The following FRMPD4 variants were observed in gnomAD, a reference collection of about 807,000 sequenced individuals.
FRMPD4 encodes FERM and PDZ domain-containing protein 4.
In FRMPD4, 22 loss-of-function variants were observed where a neutral mutation model predicts 94.1. The ratio of observed to expected loss-of-function variants is 0.23; its 90% confidence interval spans 0.17 to 0.33. The LOEUF (loss-of-function observed/expected upper bound fraction) is 0.33. FRMPD4 is among the 10% of genes least tolerant of loss of function. The pLI, the probability that FRMPD4 is intolerant of heterozygous loss-of-function variation, is 1.00. For missense variants in FRMPD4, 1,111 were observed against 1,339.9 expected, an observed-to-expected ratio of 0.83 and a Z score of 2.67; for synonymous variants, 631 against 548.6, an observed-to-expected ratio of 1.15 and a Z score of -2.10.
chrX:11,828,638 T>C (rs1051071910), intron 1 of FRMPD4, among the ~76,000 whole-genome samples: 5 of 112,086 alleles, frequency 4.5e-5, no homozygotes, highest in African/African-American at 1.6e-4. Flanking sequence ...GCTGCTGAAC[T>C]GAGAGAGGTG....
chrX:11,984,099 C>G (rs2054413020), intron 3 of FRMPD4, among the ~76,000 whole-genome samples: 1 of 112,050 alleles, frequency 8.9e-6, no homozygotes, highest in Non-Finnish European at 1.9e-5. Flanking sequence ...CAAAACTCTC[C>G]CAAAATTGCC....
At chrX:12,235,096 G>A (rs978024444) in intron 1 of FRMPD4, among the ~76,000 whole-genome samples, 1 of 111,811 alleles carries the variant, frequency 8.9e-6, no homozygotes, top group Non-Finnish European at 1.9e-5. Flanking sequence ...TAATGTGTTC[G>A]TATTGCCATC....
chrX:12,561,109 C>A (rs970832204), intron 2 of FRMPD4, among the ~76,000 whole-genome samples: 1 of 111,375 alleles, frequency 9.0e-6, no homozygotes, highest in African/African-American at 3.3e-5. Flanking sequence ...ATTTCTAGGT[C>A]CAGTGGAAAT....
intron 3 of FRMPD4, among the ~76,000 whole-genome samples, chrX:11,927,843 G>A (rs993232590): frequency 8.9e-6 from 1 of 111,820 alleles, no homozygotes; most frequent in Non-Finnish European, 1.9e-5. Flanking sequence ...CACAGGTACA[G>A]GTAAAGATTT....
At chrX:12,161,562 G>C (rs1263475839) in intron 1 of FRMPD4, among the ~76,000 whole-genome samples, 2 of 111,713 alleles carry the variant, frequency 1.8e-5, no homozygotes, top group Non-Finnish European at 3.8e-5. Context: ...TTTTATAGAG[G>C]TAGAGGACAC....
chrX:12,035,863 A>G (rs6654949), intron 3 of FRMPD4, among the ~76,000 whole-genome samples: 13,975 of 111,493 alleles, frequency 0.13, 988 homozygotes, highest in African/African-American at 0.25. Context: ...TGATAGGCAC[A>G]TATGATAGCT....
intron 1 of FRMPD4, among the ~76,000 whole-genome samples, chrX:12,308,910 C>T (rs1020338511): frequency 8.0e-5 from 9 of 112,900 alleles, no homozygotes; most frequent in Non-Finnish European, 1.7e-4. Flanking sequence ...CGCCAAATGT[C>T]GAAAGGGCTT....
At chrX:11,870,828 G>A (rs192942052) in intron 2 of FRMPD4, among the ~76,000 whole-genome samples, 2 of 112,599 alleles carry the variant, frequency 1.8e-5, no homozygotes, top group African/African-American at 6.4e-5. Flanking sequence ...ATGTACTAGT[G>A]TGTGAAATAA....
chrX:11,887,831 A>G (rs1371094118), intron 3 of FRMPD4, among the ~76,000 whole-genome samples: 1 of 112,065 alleles, frequency 8.9e-6, no homozygotes, highest in Non-Finnish European at 1.9e-5. Context: ...GAGGGCTCAC[A>G]TTACCAGTAT....
At chrX:12,040,554 T>A (rs1170854251) in intron 3 of FRMPD4, among the ~76,000 whole-genome samples, 3 of 63,363 alleles carry the variant, frequency 4.7e-5, no homozygotes, top group Admixed American at 4.2e-4. Context: ...TATGTCTGCC[T>A]TTTTTTTTTT....
chrX:12,517,986 G>A lies in FRMPD4; in HGVS notation c.158+19190G>A, dbSNP rs181720869. ...TGGCCTAAAGAGGCAGTCTGGCCAC[G>A]ATCTGCCACAGCTGCTGTGTGGGCT... On this transcript the variant is annotated intron_variant, in intron 2 of 16. Coordinates refer to ENST00000675598, the MANE Select transcript of FRMPD4 (RefSeq NM_001368397.1). Among the ~76,000 whole-genome samples the A allele has an allele frequency of 3.3e-4, 37 of 112,466 alleles. No individual in the cohort carries two copies. The East Asian group carries it at 0.01, about 31-fold the overall frequency.
chrX:12,314,204 A>G (rs1403698859), intron 1 of FRMPD4, among the ~76,000 whole-genome samples: 5 of 112,608 alleles, frequency 4.4e-5, no homozygotes, highest in Non-Finnish European at 7.5e-5. Context: ...AGACACTTTT[A>G]AAAAGTCGTT....
At chrX:12,528,481 C>A (rs1461029243) in intron 2 of FRMPD4, among the ~76,000 whole-genome samples, 1 of 109,319 alleles carries the variant, frequency 9.1e-6, no homozygotes, top group African/African-American at 3.3e-5. Context: ...CCACCACGCC[C>A]AGCTAATTTT....
intron 3 of FRMPD4, among the ~76,000 whole-genome samples, chrX:11,965,965 A>G (rs1311206163): frequency 9.0e-6 from 1 of 111,553 alleles, no homozygotes; most frequent in African/African-American, 3.3e-5. Context: ...CTGAACTCCT[A>G]TTTTAATATT....
At chrX:12,514,598 G>A (rs2058077110) in intron 2 of FRMPD4, among the ~76,000 whole-genome samples, 1 of 112,131 alleles carries the variant, frequency 8.9e-6, no homozygotes, top group Non-Finnish European at 1.9e-5. Context: ...TTGATGTGCT[G>A]CTGGATTTGG....
intron 3 of FRMPD4, among the ~76,000 whole-genome samples, chrX:11,892,572 A>T (rs1328216465): frequency 8.9e-6 from 1 of 112,218 alleles, no homozygotes; most frequent in Non-Finnish European, 1.9e-5. Flanking sequence ...CAGTACATCA[A>T]AATCTGCCGG....
At chrX:12,179,257 T>C (rs981554096) in intron 1 of FRMPD4, among the ~76,000 whole-genome samples, 4 of 111,021 alleles carry the variant, frequency 3.6e-5, no homozygotes, top group Admixed American at 9.6e-5. Context: ...TTGGAAGGTA[T>C]ATAATGTCAT....
intron 2 of FRMPD4, among the ~76,000 whole-genome samples, chrX:12,593,000 C>A (rs1733573500): frequency 8.9e-6 from 1 of 111,757 alleles, no homozygotes. Flanking sequence ...TTCTTCCTCC[C>A]ACTCTAACCT....
intron 3 of FRMPD4, among the ~76,000 whole-genome samples, chrX:12,114,511 T>G (rs1024848437): frequency 9.8e-5 from 11 of 112,418 alleles, no homozygotes; most frequent in African/African-American, 3.6e-4. Context: ...TATAAAATCA[T>G]ATTTTTAGTC....
Sources: gnomAD v4.1 joint callset for allele counts (sites outside exome capture counted in the v4.1 genomes callset) on GRCh38, gnomAD v4.1.1 for gene constraint, MANE v1.5 for transcripts, NCBI Gene and HGNC (gene_info 2026-07-23, HGNC 2026-07-21) for gene names.